Variants in XYLB observed in about 807,000 individuals in gnomAD.
XYLB encodes xylulokinase.
A neutral mutation model predicts 78.7 loss-of-function variants in XYLB; 62 were observed. The ratio of observed to expected loss-of-function variants is 0.79; its 90% CI spans 0.64 to 0.97. The LOEUF is 0.97. Ranked by LOEUF, XYLB falls within the 50% of genes least tolerant of loss-of-function variation. XYLB has a pLI of 0.00. For synonymous variants in XYLB, 245 were observed against 247.4 expected (o/e 0.99, Z 0.09); for missense variants, 687 against 676.8 (o/e 1.02, Z -0.17).
rs896048364 is a variant in XYLB, at chr3:38,373,213, C to T, written c.847+477C>T. 1.9e-4 allele frequency among the ~76,000 whole-genome samples: 29 copies of T among 152,146 alleles called. 1 individual carries two copies. Among genetic ancestry groups the T allele is most frequent in the Non-Finnish European group, 2.9e-5 (2 of 68,032 alleles). ...CCTTCCCTAGCCTCTTCTCTTCCTCCTCCTCTCCTCTGGGTAGCCCTGAAG... is the reference window on the plus strand; with the variant it reads ...CCTTCCCTAGCCTCTTCTCTTCCTCTTCCTCTCCTCTGGGTAGCCCTGAAG... On this transcript the variant is annotated intron_variant, in intron 10 of 18. Transcript: ENST00000207870.
At chr3:38,359,541 T>C (rs1553650890) in intron 2 of XYLB, among the ~76,000 whole-genome samples, 1 of 152,252 alleles carries the variant, frequency 6.6e-6, no homozygotes, top group Non-Finnish European at 1.5e-5. Flanking sequence ...TCTGTTCCTA[T>C]ATAAGTTATA....
At chr3:38,435,958 G>C in the XYLB span, among the ~76,000 whole-genome samples, 1 of 152,082 alleles carries the variant, frequency 6.6e-6, no homozygotes, top group African/African-American at 2.4e-5. Context: ...AGTTATAGCA[G>C]TAACTGCCTA....
the XYLB span, among the ~76,000 whole-genome samples, chr3:38,444,981 T>C: frequency 1.3e-5 from 2 of 152,180 alleles, no homozygotes; most frequent in Non-Finnish European, 2.9e-5. Flanking sequence ...CACCCTTGCC[T>C]TCCCTCTTAG....
intron 8 of XYLB, 115 bp from the exon 9 acceptor site, chr3:38,369,941 A>G: frequency 2.3e-6 from 2 of 876,280 alleles, no homozygotes; most frequent in Middle Eastern, 2.2e-4. Flanking sequence ...CCATGAAGAA[A>G]GAGCTCCAGG....
chr3:38,347,002 A>G lies in XYLB; in HGVS notation c.57+77A>G, dbSNP rs1705099004. 13 of 1,301,314 alleles carry G rather than the reference A, an allele frequency of 1.0e-5. No individual in the cohort carries two copies. In the Admixed American group the frequency reaches 3.0e-4, roughly 30 times the overall value. The allele number at this position is 1,301,314 out of a possible 1,614,324, so 80.6% of individuals were successfully genotyped here. On this transcript the variant is annotated intron_variant, in intron 1 of 18. Coordinates refer to ENST00000207870, the MANE Select transcript of XYLB (RefSeq NM_005108.4). The stretch of plus-strand genomic sequence containing the variant: ...GGGTAGGGGGCGGGCTGTCACCCGG[A>G]CGCGGGAAAACATGGGCCCGGCCGC...
chr3:38,362,304 T>A (rs748082444), intron 3 of XYLB, among the ~76,000 whole-genome samples: 7 of 152,210 alleles, frequency 4.6e-5, no homozygotes, highest in Admixed American at 2.0e-4. Context: ...AGTGGTGTGA[T>A]CATGGCTCAC....
At chr3:38,361,877 TGA>T (rs1559579005) in intron 3 of XYLB, among the ~76,000 whole-genome samples, 1 of 152,190 alleles carries the variant, frequency 6.6e-6, no homozygotes, top group Non-Finnish European at 1.5e-5. Flanking sequence ...CAGGCAAAAG[TGA>T]GAGAGTCTTC....
chr3:38,381,373 A>T (rs1707135044), intron 15 of XYLB, among the ~76,000 whole-genome samples: 1 of 152,168 alleles, frequency 6.6e-6, no homozygotes, highest in Non-Finnish European at 1.5e-5. Flanking sequence ...GGACCCTGTA[A>T]TAATTGCATT....
At chr3:38,418,019 C>G (rs924836576), downstream of XYLB, among the ~76,000 whole-genome samples, 8 of 151,286 alleles carry the variant, frequency 5.3e-5, no homozygotes, top group African/African-American at 1.9e-4. Context: ...TGGTGAAACC[C>G]CGTCTCTACT....
intron 14 of XYLB, among the ~76,000 whole-genome samples, chr3:38,378,096 G>A (rs1023063009): frequency 8.5e-5 from 13 of 152,240 alleles, no homozygotes; most frequent in African/African-American, 2.4e-4. Flanking sequence ...CAGAGTTGGC[G>A]TTGGATTCAG....
the XYLB span, among the ~76,000 whole-genome samples, chr3:38,442,764 A>G: frequency 7.4e-6 from 1 of 135,856 alleles, no homozygotes; most frequent in African/African-American, 3.0e-5. Context: ...TGAGCTTTTA[A>G]ATGTCTAACA....
At chr3:38,352,183 A>C (rs1705401698) in intron 2 of XYLB, among the ~76,000 whole-genome samples, 1 of 152,122 alleles carries the variant, frequency 6.6e-6, no homozygotes, top group Non-Finnish European at 1.5e-5. Context: ...AAAAGTATAC[A>C]GTGAAAAGTC....
At chr3:38,428,612 T>G in the XYLB span, among the ~76,000 whole-genome samples, 6 of 152,256 alleles carry the variant, frequency 3.9e-5, no homozygotes, top group African/African-American at 1.4e-4. Context: ...CACTGTTTCC[T>G]GATATTACTA....
At chr3:38,445,903 T>G in the XYLB span, among the ~76,000 whole-genome samples, 1 of 152,184 alleles carries the variant, frequency 6.6e-6, no homozygotes, top group Admixed American at 6.5e-5. Context: ...ACTCACTGCT[T>G]GACGATAGTC....
Position 38,355,982 on chromosome 3 carries a change from C to T in XYLB, c.141-4357C>T, listed in dbSNP as rs181066904. ...AGAAAATACTGGGGCCAGGTGTGGT[C>T]GCTCACGCCTGTAATCCCAGCACTT... On this transcript the variant is annotated intron_variant, in intron 2 of 18. Coordinates refer to ENST00000207870, the MANE Select transcript of XYLB (RefSeq NM_005108.4). The T allele has an allele frequency of 1.2e-3, 702 of 562,150 alleles. 8 individuals are homozygous for T. Among genetic ancestry groups the T allele is most frequent in the African/African-American group, 0.012 (622 of 53,364 alleles). The allele number at this position is 562,150 out of a possible 1,614,324, so 34.8% of individuals were successfully genotyped here. A position where few individuals can be genotyped will look rare whatever the true frequency, so the allele number is the denominator to read the frequency against.
In XYLB at chr3:38,374,446, C is replaced by G. The variant is rs1216901468; in HGVS notation, c.848-16C>G. The stretch of plus-strand genomic sequence containing the variant: ...TGTGGCCGCCAGCTAACCAGAAGCT[C>G]CCCTCCCATTCTCAGCGTCGCTGGC... On this transcript the variant is annotated splice_polypyrimidine_tract_variant and intron_variant, in intron 10 of 18. Coordinates refer to ENST00000207870, the MANE Select transcript of XYLB (RefSeq NM_005108.4). The G allele has an allele frequency of 2.5e-6, 4 of 1,613,920 alleles. No individual in the cohort carries two copies. The Admixed American group carries it at 6.7e-5, about 27-fold the overall frequency.
intron 15 of XYLB, among the ~76,000 whole-genome samples, chr3:38,384,922 G>A (rs544560209): frequency 4.6e-4 from 70 of 152,278 alleles, no homozygotes; most frequent in African/African-American, 1.6e-3. Flanking sequence ...GTTTTCTAAT[G>A]ACTGGCATGA....
rs2234621 is a variant in XYLB at position 38,376,105 on chromosome 3, C to T, written c.1005-12C>T. ...CCAGCTCCCTCCCTCAGAGCTATGCCCTCTTCTGCAGCTTTAAAAATGGCT... is the reference window on the plus strand; with the variant it reads ...CCAGCTCCCTCCCTCAGAGCTATGCTCTCTTCTGCAGCTTTAAAAATGGCT... On this transcript the variant is annotated splice_polypyrimidine_tract_variant and intron_variant, in intron 12 of 18. Coordinates refer to ENST00000207870, the MANE Select transcript of XYLB (RefSeq NM_005108.4). 5.3e-3 allele frequency: 8,393 copies of T among 1,577,004 alleles called. 307 individuals carry two copies. The African/African-American group carries it at 0.09, about 17-fold the overall frequency.
Position 38,368,171 on chromosome 3 carries a change from T to C in XYLB, c.574-14T>C. On this transcript the variant is annotated splice_polypyrimidine_tract_variant and intron_variant, in intron 7 of 18. Transcript: ENST00000207870. ...TGGAAGTGAGGCACCTCTCACTGTT[T>C]CTTTCCTTTACAGAGAATTTCTTTG... 1 of 1,613,698 alleles carries C rather than the reference T, an allele frequency of 6.2e-7. No individual in the cohort carries two copies. Among genetic ancestry groups the C allele is most frequent in the Non-Finnish European group, 8.5e-7 (1 of 1,179,584 alleles).
Sources: gnomAD v4.1 joint callset for allele counts (sites outside exome capture counted in the v4.1 genomes callset) on GRCh38, gnomAD v4.1.1 for gene constraint, MANE v1.5 for transcripts, NCBI Gene and HGNC (gene_info 2026-07-23, HGNC 2026-07-21) for gene names.